ALLC: variants seen among roughly 807,000 people sequenced by gnomAD.
ALLC encodes probable inactive allantoicase.
A neutral mutation model predicts 45.0 loss-of-function variants in ALLC; 40 were observed. That is an observed-to-expected ratio of 0.89 (90% CI 0.69 to 1.16). The LOEUF (loss-of-function observed/expected upper bound fraction) is 1.16. Ranked by LOEUF, ALLC falls within the 50% of genes most tolerant of loss-of-function variation. The pLI is 0.00. For synonymous variants in ALLC, 176 were observed against 178.1 expected (o/e 0.99, Z 0.09); for missense variants, 488 against 493.1 (o/e 0.99, Z 0.10).
In ALLC at chr2:3,682,989, G is replaced by C. The variant is rs1042072854; in HGVS notation, c.426G>C (p.Lys142Asn). The C allele has an allele frequency of 6.2e-7, 1 of 1,613,884 alleles. No homozygotes were observed. Among genetic ancestry groups the C allele is most frequent in the Admixed American group, 1.7e-5 (1 of 59,994 alleles). ...WSYLVPMTELKPGNPASGHNY... is the reference protein window; with the variant it reads ...WSYLVPMTELNPGNPASGHNY... The stretch of plus-strand genomic sequence containing the variant: ...ACTTGGTTCCCATGACTGAGCTTAA[G>C]CCAGGAAACCCTGCTTCCGGCCACA... The change falls in exon 7 of 12, where the codon AAG becomes AAC. Residue 142 changes from lysine (K) to asparagine (N), a missense_variant. Coordinates refer to ENST00000252505, the MANE Select transcript of ALLC (RefSeq NM_018436.4).
Position 3,678,518 on chromosome 2 carries a change from G to T in ALLC, c.135G>T (p.Trp45Cys). ...ATGAATATACGGAGTTTGGGAAATG[G>T]ATGGATGGCTGGGAGACCAGGAGGA... is the stretch of plus-strand genomic sequence containing the variant. The part of the protein sequence containing the change: ...KEHEYTEFGK[W>C]MDGWETRRKR... The change falls in exon 4 of 12, where the codon TGG becomes TGT. Residue 45 changes from tryptophan (W) to cysteine (C), a missense_variant. Physicochemically the swap from Trp to Cys is radical, Grantham distance 215. Coordinates refer to ENST00000252505, the MANE Select transcript of ALLC (RefSeq NM_018436.4). The T allele has an allele frequency of 1.9e-6, 3 of 1,614,008 alleles. No homozygotes were observed. The highest frequency in any genetic ancestry group is 2.5e-6 in the Non-Finnish European group (3 of 1,179,830).
intron 1 of ALLC, among the ~76,000 whole-genome samples, chr2:3,663,790 C>T (rs2147992695): frequency 6.6e-6 from 1 of 152,286 alleles, no homozygotes; most frequent in East Asian, 1.9e-4. Flanking sequence ...ATAATGGATC[C>T]TTTTCTATAA....
intron 7 of ALLC, among the ~76,000 whole-genome samples, chr2:3,685,522 A>T (rs1258172478): frequency 6.6e-6 from 1 of 150,730 alleles, no homozygotes; most frequent in African/African-American, 2.4e-5. Flanking sequence ...TAAACATCAG[A>T]TCTCACAAGA....
intron 2 of ALLC, 28 bp from the exon 3 acceptor site, chr2:3,674,047 A>ATCTTTCTT: frequency 1.4e-6 from 2 of 1,426,036 alleles, no homozygotes; most frequent in South Asian, 2.5e-5. Context: ...TGGTTGCTTT[A>ATCTTTCTT]TCTTTCTTTC....
chr2:3,691,428 ATTTG>A (rs2148016595), intron 7 of ALLC, among the ~76,000 whole-genome samples: 1 of 149,964 alleles, frequency 6.7e-6, no homozygotes, highest in South Asian at 2.1e-4. Context: ...TAATTTTTGT[ATTTG>A]TTTTTTTTTT....
chr2:3,654,914 C>T (rs140531274), upstream of ALLC, among the ~76,000 whole-genome samples: 6 of 152,322 alleles, frequency 3.9e-5, no homozygotes, highest in Non-Finnish European at 7.4e-5. Flanking sequence ...CTGTGTAATG[C>T]GGCACAGCAA....
upstream of ALLC, among the ~76,000 whole-genome samples, chr2:3,654,913 G>T (rs565377789): frequency 1.3e-5 from 2 of 152,378 alleles, no homozygotes; most frequent in East Asian, 3.9e-4. Context: ...GCTGTGTAAT[G>T]CGGCACAGCA....
chr2:3,682,248 T>C (rs1667199173), intron 6 of ALLC, among the ~76,000 whole-genome samples: 1 of 152,202 alleles, frequency 6.6e-6, no homozygotes, highest in Non-Finnish European at 1.5e-5. Flanking sequence ...AGAAAATGGT[T>C]GCAAGGCTCA....
In ALLC at chr2:3,697,265, C is replaced by T. The variant is rs557421839; in HGVS notation, c.742-83C>T. 1.2e-5 allele frequency: 12 copies of T among 999,040 alleles called. No individual in the cohort carries two copies. In the African/African-American group the frequency reaches 1.9e-4, roughly 16 times the overall value. 61.9% of individuals were successfully genotyped at this position (999,040 alleles called of 1,614,324 possible). The stretch of plus-strand genomic sequence containing the variant: ...GTAAGAAATAAAAGAAACACGTCAA[C>T]CTTTTTCACCTGTTGGTTTTCGGGA... On this transcript the variant is annotated intron_variant, in intron 9 of 11. Coordinates refer to ENST00000252505, the MANE Select transcript of ALLC (RefSeq NM_018436.4).
chr2:3,651,305 TGGGTGGGTGGG>T, the ALLC span, among the ~76,000 whole-genome samples: 91 of 23,360 alleles, frequency 3.9e-3, 12 homozygotes, highest in Non-Finnish European at 5.0e-3. Flanking sequence ...TTTGGGTGGG[TGGGTGGGTGGG>T]GGGGGTGTGT....
rs142873840 is a variant in ALLC at position 3,697,564 on chromosome 2, C to T, written c.850+108C>T. The T allele has an allele frequency of 8.6e-5, 69 of 802,292 alleles. 1 individual carries two copies. The highest frequency in any genetic ancestry group is 7.2e-4 in the African/African-American group (42 of 58,468). The allele number at this position is 802,292 out of a possible 1,614,324, so 49.7% of individuals were successfully genotyped here. On this transcript the variant is annotated intron_variant, in intron 10 of 11. Coordinates refer to ENST00000252505, the MANE Select transcript of ALLC (RefSeq NM_018436.4). Reference sequence around the variant, plus strand: ...CACTGGACTTTCGGTGTGGATTCCCCGTTTAAGCTGTGTAATTTTGAGCAT... The same window carrying T: ...CACTGGACTTTCGGTGTGGATTCCCTGTTTAAGCTGTGTAATTTTGAGCAT...
chr2:3,679,859 T>G lies in ALLC; in HGVS notation c.173-10T>G, dbSNP rs1558540716. 2 of 1,613,782 alleles carry G rather than the reference T, an allele frequency of 1.2e-6. No homozygotes were observed. Among genetic ancestry groups the G allele is most frequent in the Non-Finnish European group, 8.5e-7 (1 of 1,179,866 alleles). The stretch of plus-strand genomic sequence containing the variant: ...CTAACGAGACTGCTCTTGTCCTCTG[T>G]GTTGCGCAGGTCACGACTGGTGTGT... On this transcript the variant is annotated splice_polypyrimidine_tract_variant and intron_variant, in intron 4 of 11. Coordinates refer to ENST00000252505, the MANE Select transcript of ALLC (RefSeq NM_018436.4).
intron 3 of ALLC, among the ~76,000 whole-genome samples, chr2:3,678,110 T>C (rs569170056): frequency 1.3e-5 from 2 of 152,318 alleles, no homozygotes; most frequent in South Asian, 4.1e-4. Context: ...ATAGTCTACC[T>C]GGCCTGCTTG....
chr2:3,672,012 GTTAGATCCGAGGTCCTCTGGCTCTA>G (rs1666889436), intron 2 of ALLC, among the ~76,000 whole-genome samples: 1 of 90,778 alleles, frequency 1.1e-5, no homozygotes, highest in African/African-American at 5.5e-5. Flanking sequence ...TCTGGCTCTA[GTTAGATCCGAGGTCCTCTGGCTCTA>G]GTTAGACCTG....
upstream of ALLC, among the ~76,000 whole-genome samples, chr2:3,656,357 A>G (rs954845787): frequency 6.6e-6 from 1 of 152,186 alleles, no homozygotes; most frequent in African/African-American, 2.4e-5. Flanking sequence ...CCTCTCTGCC[A>G]GCTCTTGTTC....
chr2:3,678,579 G>A lies in ALLC; in HGVS notation c.172+24G>A, dbSNP rs761815778. ...AGGTAATAACAACGGTTCGTTCATC[G>A]AAGTGCAGCTGACACTGCAAAGTTA... On this transcript the variant is annotated intron_variant, in intron 4 of 11. Transcript: ENST00000252505. 13 of 1,597,194 alleles carry A rather than the reference G, an allele frequency of 8.1e-6. No individual in the cohort carries two copies. In the Admixed American group the frequency reaches 1.0e-4, roughly 12 times the overall value.
At chr2:3,692,306 A>G (rs996011902) in intron 7 of ALLC, among the ~76,000 whole-genome samples, 38 of 152,346 alleles carry the variant, frequency 2.5e-4, no homozygotes, top group African/African-American at 8.9e-4. Flanking sequence ...CCACATTGGA[A>G]GAGGAAGAAT....
chr2:3,691,456 T>A (rs1227370411), intron 7 of ALLC, among the ~76,000 whole-genome samples: 1 of 150,936 alleles, frequency 6.6e-6, no homozygotes, highest in African/African-American at 2.4e-5. Context: ...AGAAATGGGG[T>A]TTTACCATGT....
chr2:3,691,995 A>G (rs533568366), intron 7 of ALLC, among the ~76,000 whole-genome samples: 61 of 152,252 alleles, frequency 4.0e-4, no homozygotes, highest in African/African-American at 1.4e-3. Flanking sequence ...TCTCTGATAA[A>G]CTTCTAAGCT....
Sources: gnomAD v4.1 joint callset for allele counts (sites outside exome capture counted in the v4.1 genomes callset) on GRCh38, gnomAD v4.1.1 for gene constraint, MANE v1.5 for transcripts, NCBI Gene and HGNC (gene_info 2026-07-23, HGNC 2026-07-21) for gene names.